Variants in FAN1 observed in about 807,000 individuals in gnomAD.
FAN1 encodes the protein fanconi-associated nuclease 1.
Under a neutral mutation model 104.9 loss-of-function variants are expected in FAN1, and 91 were observed. That is an observed-to-expected ratio of 0.87 (90% CI 0.73 to 1.03). The LOEUF (loss-of-function observed/expected upper bound fraction) is 1.03, where lower values mean the gene tolerates loss of function less well. Among genes scored for constraint, FAN1 ranks in the 50% least tolerant of loss-of-function variants. The probability of loss-of-function intolerance (pLI) is 0.00; values close to 1 mark genes in which losing one functional copy is unlikely to be tolerated. For missense variants in FAN1, 1,263 were observed against 1,239.9 expected (o/e 1.02, Z -0.28); for synonymous variants, 478 against 457.6 (o/e 1.04, Z -0.57).
At chr15:30,908,309 A>C in intron 3 of FAN1, 51 bp downstream of exon 3, 1 of 1,465,238 alleles carries the variant, frequency 6.8e-7, no homozygotes, top group Non-Finnish European at 9.2e-7. Context: ...TGAAGAACTG[A>C]GCTTCTGCAG....
chr15:30,941,192 G>T, intron 14 of FAN1: 1 of 1,349,608 alleles, frequency 7.4e-7, no homozygotes, highest in Non-Finnish European at 9.7e-7. Context: ...TAGGAAAAAT[G>T]GATGGAGACA....
intron 3 of FAN1, 53 bp downstream of exon 3, chr15:30,908,311 C>T: frequency 1.4e-6 from 2 of 1,458,468 alleles, no homozygotes; most frequent in African/African-American, 1.4e-5. Context: ...AAGAACTGAG[C>T]TTCTGCAGAA....
At chr15:30,931,680 T>C (rs72710411) in intron 13 of FAN1, among the ~76,000 whole-genome samples, 2,222 of 152,332 alleles carry the variant, frequency 0.015, 18 homozygotes, top group Non-Finnish European at 0.024. Context: ...AAGAAGACCA[T>C]GCTTCCTCCA....
chr15:30,937,644 G>A (rs182785240), intron 14 of FAN1, among the ~76,000 whole-genome samples: 18 of 151,526 alleles, frequency 1.2e-4, no homozygotes, highest in African/African-American at 4.4e-4. Context: ...TAGAGACGGG[G>A]TTTCACCATG....
intron 7 of FAN1, among the ~76,000 whole-genome samples, chr15:30,921,548 G>C (rs1236656705): frequency 6.6e-6 from 1 of 152,148 alleles, no homozygotes; most frequent in African/African-American, 2.4e-5. Flanking sequence ...AAGAAAATGG[G>C]ATCTTACAAA....
At position 30,904,766 on chromosome 15, in the gene FAN1, A is replaced by G. The variant is rs769939083; in HGVS notation, c.103A>G (p.Asn35Asp). ...KASNSIISCF[N>D]NAPPAKLACP... Reference sequence around the variant, plus strand: ...ATCTAATTCTATTATTTCGTGTTTTAACAATGCACCACCTGCTAAACTTGC... The same window carrying G: ...ATCTAATTCTATTATTTCGTGTTTTGACAATGCACCACCTGCTAAACTTGC... The change falls in exon 2 of 15, where the codon AAC (asparagine) becomes GAC (aspartate). Residue 35 changes from asparagine (N) to aspartate (D), a missense_variant. This residue lies in a region of FAN1 where 682 missense variants were observed against 571.1 expected (regional missense o/e 1.19). Coordinates refer to ENST00000362065, the MANE Select transcript of FAN1 (RefSeq NM_014967.5). 10 of 1,613,540 alleles carry G rather than the reference A, an allele frequency of 6.2e-6. No homozygotes were observed. The Admixed American group carries it at 1.7e-4, about 27-fold the overall frequency.
At chr15:30,929,972 AAT>A (rs2062658793) in intron 12 of FAN1, among the ~76,000 whole-genome samples, 1 of 126,090 alleles carries the variant, frequency 7.9e-6, no homozygotes, top group Non-Finnish European at 1.6e-5. Flanking sequence ...TAATATATAA[AAT>A]ATATAATATA....
At chr15:30,925,696 G>T (rs55725929) in intron 9 of FAN1, 93 bp from the exon 10 acceptor site, 1 of 1,393,052 alleles carries the variant, frequency 7.2e-7, no homozygotes, top group African/African-American at 1.4e-5. Flanking sequence ...TGACTTTGTG[G>T]TAAGGGAGGT....
Position 30,905,293 on chromosome 15 carries a change from T to C in FAN1, c.630T>C (p.Ser210=). ...AGGATCAAATTTTGGAGAACAGTTC[T>C]CAAAAAGAAAACGTGTTTAAATGTG... ...EDEDQILENS[S]QKENVFKCDS... The change falls in exon 2 of 15, where the codon TCT becomes TCC. Residue 210 remains serine (S), a synonymous_variant. Coordinates refer to ENST00000362065, the MANE Select transcript of FAN1 (RefSeq NM_014967.5). The C allele has an allele frequency of 1.9e-6, 3 of 1,613,960 alleles. No homozygotes were observed. The highest frequency in any genetic ancestry group is 2.5e-6 in the Non-Finnish European group (3 of 1,179,996).
At chr15:30,906,246 C>T (rs73381340) in intron 2 of FAN1, 7,043 of 432,354 alleles carry the variant, frequency 0.016, 430 homozygotes, top group African/African-American at 0.13. Flanking sequence ...GCATTTTGAG[C>T]GTGTAATCAG....
At chr15:30,907,472 T>G (rs1488112572) in intron 2 of FAN1, among the ~76,000 whole-genome samples, 1 of 151,898 alleles carries the variant, frequency 6.6e-6, no homozygotes, top group Non-Finnish European at 1.5e-5. Context: ...GAGCCGAGAC[T>G]GCACCATTGC....
intron 3 of FAN1, among the ~76,000 whole-genome samples, chr15:30,909,505 A>C (rs190227662): frequency 1.1e-3 from 172 of 152,282 alleles, no homozygotes; most frequent in Non-Finnish European, 1.9e-3. Context: ...AGCTTCCGTA[A>C]ATTCATATGT....
intron 11 of FAN1, 134 bp downstream of exon 11, chr15:30,928,790 A>T (rs1346415429): frequency 1.3e-6 from 2 of 1,484,546 alleles, no homozygotes; most frequent in Non-Finnish European, 1.8e-6. Flanking sequence ...ACAGGTCAAG[A>T]TGATAACTTA....
At position 30,911,477 on chromosome 15, in the gene FAN1, C is replaced by T. The variant is rs931164854; in HGVS notation, c.1577+662C>T. 9 of 983,898 alleles carry T rather than the reference C, an allele frequency of 9.1e-6. No homozygotes were observed. In the African/African-American group the frequency reaches 1.4e-4, roughly 15 times the overall value. 60.9% of individuals were successfully genotyped at this position (983,898 alleles called of 1,614,324 possible). ...TTGTATATTTCAGTTGTTATGAGCC[C>T]ATCCTTGTTGGGGAGGTGCTATAAA... On this transcript the variant is annotated intron_variant, in intron 4 of 14. Transcript: ENST00000362065.
At chr15:30,926,020 T>C in intron 10 of FAN1, 81 bp downstream of exon 10, 3 of 1,403,058 alleles carry the variant, frequency 2.1e-6, no homozygotes, top group Non-Finnish European at 3.0e-6. Flanking sequence ...AGCAGTGGGC[T>C]GCTGTCCTCT....
chr15:30,920,096 C>A (rs916669124), intron 6 of FAN1, among the ~76,000 whole-genome samples: 4 of 152,174 alleles, frequency 2.6e-5, no homozygotes, highest in Non-Finnish European at 4.4e-5. Context: ...CAAAAGCAGC[C>A]ACAAGAAGTA....
At chr15:30,938,307 T>G (rs1003438574) in intron 14 of FAN1, among the ~76,000 whole-genome samples, 1 of 152,252 alleles carries the variant, frequency 6.6e-6, no homozygotes, top group Non-Finnish European at 1.5e-5. Context: ...GCTGTTAAAC[T>G]TTTATGATTA....
intron 14 of FAN1, among the ~76,000 whole-genome samples, chr15:30,937,658 G>A (rs1375847981): frequency 6.6e-6 from 1 of 151,528 alleles, no homozygotes; most frequent in East Asian, 2.0e-4. Context: ...CACCATGTTG[G>A]TTGGCCAGGT....
chr15:30,904,732 GAA>G lies in FAN1; in HGVS notation c.74_75del (p.Lys25SerfsTer3), dbSNP rs750426078. 1.2e-6 allele frequency: 2 copies of G among 1,610,932 alleles called. No homozygotes were observed. Among genetic ancestry groups the G allele is most frequent in the Non-Finnish European group, 1.7e-6 (2 of 1,177,916 alleles). On this transcript the variant is annotated frameshift_variant, in exon 2 of 15. Coordinates refer to ENST00000362065, the MANE Select transcript of FAN1 (RefSeq NM_014967.5). LOFTEE classifies it high-confidence loss of function. ...RRSLSISKNKKKASNSIISCF... is the reference protein window; with the variant it reads ...RRSLSISKNKXKASNSIISCF... ...GAAGCTTATCAATCAGCAAGAATAA[GAA>G]AAAAGCATCTAATTCTATTATTTCG...
Sources: allele counts gnomAD v4.1 joint callset (sites outside exome capture counted in the v4.1 genomes callset), GRCh38; gene constraint gnomAD v4.1.1; regional missense constraint gnomAD v4.1.1; transcripts MANE v1.5; gene names NCBI Gene and HGNC (gene_info 2026-07-23, HGNC 2026-07-21).